KIAA0586: variants seen among roughly 807,000 people sequenced by gnomAD.
KIAA0586 encodes the protein KIAA0586, also known as protein TALPID3.
KIAA0586 carries 144 observed loss-of-function variants against 169.8 expected under a neutral mutation model. The ratio of observed to expected loss-of-function variants is 0.85; its 90% CI spans 0.74 to 0.97. The LOEUF (loss-of-function observed/expected upper bound fraction) is 0.97, where lower values mean the gene tolerates loss of function less well. Among genes scored for constraint, KIAA0586 ranks in the 50% least tolerant of loss-of-function variants. The pLI is 0.00. For synonymous variants in KIAA0586, 625 were observed against 612.4 expected, an observed-to-expected ratio of 1.02 and a Z score of -0.30; for missense variants, 1,854 against 1,823.0, an observed-to-expected ratio of 1.02 and a Z score of -0.31.
Position 58,465,850 on chromosome 14 carries a change from C to A in KIAA0586, c.2075C>A (p.Ser692Ter). The A allele has an allele frequency of 6.2e-7, 1 of 1,602,444 alleles. No individual in the cohort carries two copies. Among genetic ancestry groups the A allele is most frequent in the South Asian group, 1.1e-5 (1 of 88,738 alleles). ...IERVKGTKVK[S>*]IRTQTDFYAT... is the part of the protein sequence containing the mutation. ...ATTATTATAGGCACTAAGGTAAAGT[C>A]AATAAGAACACAGACTGACTTCTAT... Residue 692 changes from serine (S) to a stop codon, truncating the protein, a stop_gained, in exon 15 of 31, where the codon TCA becomes TAA. Transcript: ENST00000652326. LOFTEE classifies it high-confidence loss of function.
At chr14:58,463,910 G>A (rs754603709) in intron 14 of KIAA0586, 5 of 348,096 alleles carry the variant, frequency 1.4e-5, no homozygotes, top group Non-Finnish European at 2.8e-5. Context: ...GACGGTCTGA[G>A]ACATCACCAC....
At chr14:58,490,522 T>G (rs1446524593) in intron 25 of KIAA0586, among the ~76,000 whole-genome samples, 2 of 152,210 alleles carry the variant, frequency 1.3e-5, no homozygotes, top group African/African-American at 4.8e-5. Flanking sequence ...TTGTTACCTC[T>G]GTATGTTGTC....
chr14:58,458,404 A>C, intron 11 of KIAA0586, 69 bp from the exon 12 acceptor site: 3 of 805,394 alleles, frequency 3.7e-6, no homozygotes, highest in Non-Finnish European at 6.1e-6. Flanking sequence ...GATAAGAGTT[A>C]GATCTGATCC....
intron 14 of KIAA0586, among the ~76,000 whole-genome samples, chr14:58,463,010 A>T (rs1161510743): frequency 6.6e-6 from 1 of 152,066 alleles, no homozygotes; most frequent in African/African-American, 2.4e-5. Flanking sequence ...TTGAGATGAG[A>T]TTTGGGTAGG....
At chr14:58,547,691 C>A (rs780446671) in intron 30 of KIAA0586, 90 bp from the exon 31 acceptor site, 68 of 1,098,406 alleles carry the variant, frequency 6.2e-5, no homozygotes, top group Non-Finnish European at 7.7e-5. Context: ...CGCGCCCCCC[C>A]ACCCCAACCT....
At chr14:58,479,645 A>T (rs886931190) in intron 20 of KIAA0586, among the ~76,000 whole-genome samples, 1 of 152,146 alleles carries the variant, frequency 6.6e-6, no homozygotes, top group South Asian at 2.1e-4. Flanking sequence ...TAGAAGATGT[A>T]TGGTTTTAGA....
chr14:58,427,834 G>A lies in KIAA0586; in HGVS notation c.-431G>A. Reference sequence around the variant, plus strand: ...GAGGGGTGTGTAAGACTCTGTGGCTGAAGAAAGCTATTACGCTTCTTATGT... The same window carrying A: ...GAGGGGTGTGTAAGACTCTGTGGCTAAAGAAAGCTATTACGCTTCTTATGT... On this transcript the variant is annotated 5_prime_UTR_variant, in exon 1 of 31. Transcript: ENST00000652326. 1 of 1,434,992 alleles carries A rather than the reference G, an allele frequency of 7.0e-7. No homozygotes were observed. The highest frequency in any genetic ancestry group is 9.1e-7 in the Non-Finnish European group (1 of 1,095,284). The allele number at this position is 1,434,992 out of a possible 1,614,324, so 88.9% of individuals were successfully genotyped here.
intron 29 of KIAA0586, among the ~76,000 whole-genome samples, chr14:58,529,513 C>G (rs2045819501): frequency 6.6e-6 from 1 of 152,164 alleles, no homozygotes; most frequent in Non-Finnish European, 1.5e-5. Flanking sequence ...CTACCTCAAT[C>G]AAGTCAGCTT....
At chr14:58,481,184 A>T (rs2042009518) in intron 20 of KIAA0586, among the ~76,000 whole-genome samples, 1 of 152,216 alleles carries the variant, frequency 6.6e-6, no homozygotes. Context: ...CCCACTTTTT[A>T]GGGAATTCTG....
intron 26 of KIAA0586, among the ~76,000 whole-genome samples, chr14:58,494,594 G>A (rs1234443692): frequency 6.6e-6 from 1 of 152,098 alleles, no homozygotes; most frequent in African/African-American, 2.4e-5. Context: ...AGGGAGGAGA[G>A]CCTTAGGCAG....
chr14:58,542,499 A>C (rs2140115764), intron 30 of KIAA0586, among the ~76,000 whole-genome samples: 1 of 152,254 alleles, frequency 6.6e-6, no homozygotes, highest in Non-Finnish European at 1.5e-5. Context: ...AATTCCCAAA[A>C]TATACATTAA....
In KIAA0586 at chr14:58,482,542, CT is replaced by C; in HGVS notation, c.2979del (p.Phe993LeufsTer8). 1 of 1,554,288 alleles carries C rather than the reference CT, an allele frequency of 6.4e-7. No homozygotes were observed. Among genetic ancestry groups the C allele is most frequent in the Non-Finnish European group, 8.7e-7 (1 of 1,147,604 alleles). On this transcript the variant is annotated frameshift_variant, in exon 21 of 31. Coordinates refer to ENST00000652326, the MANE Select transcript of KIAA0586 (RefSeq NM_001329943.3). LOFTEE classifies it high-confidence loss of function. ...VEGTSSGALQ[L>X]FVDAGVPVNS... ...AGGAACAAGCAGTGGCGCCCTCCAG[CT>C]TTTTGTTGATGCTGGTGTTCCTGTG...
At chr14:58,458,624 G>T in intron 12 of KIAA0586, 79 bp downstream of exon 12, 2 of 709,672 alleles carry the variant, frequency 2.8e-6, no homozygotes, top group East Asian at 3.1e-5. Context: ...CATTACATTT[G>T]TTTTCAAAAT....
chr14:58,480,875 T>G (rs1391435970), intron 20 of KIAA0586, among the ~76,000 whole-genome samples: 2 of 152,196 alleles, frequency 1.3e-5, no homozygotes, highest in African/African-American at 4.8e-5. Flanking sequence ...TGAGAAAATT[T>G]TTTTCCTGGT....
In KIAA0586 at chr14:58,461,072, C is replaced by T; in HGVS notation, c.1971C>T (p.Ser657=). 1.2e-6 allele frequency: 2 copies of T among 1,611,400 alleles called. No individual in the cohort carries two copies. The highest frequency in any genetic ancestry group is 1.7e-6 in the Non-Finnish European group (2 of 1,178,436). ...YGKPVYQGHR[S]TLKKGPYLRF... ...AGCCAGTTTATCAGGGCCATCGAAG[C>T]ACTCTTAAAAAAGGACCATATCTCA... The change falls in exon 14 of 31, where the codon AGC becomes AGT. Residue 657 remains serine, a synonymous_variant. Coordinates refer to ENST00000652326, the MANE Select transcript of KIAA0586 (RefSeq NM_001329943.3).
At chr14:58,440,049 A>ATTTT (rs59044231) in intron 4 of KIAA0586, 45 of 164,232 alleles carry the variant, frequency 2.7e-4, no homozygotes, top group South Asian at 1.4e-3. Flanking sequence ...TTAATTTTTA[A>ATTTT]TTTTTTTTTT....
chr14:58,543,929 G>A lies in KIAA0586; in HGVS notation c.4495+3793G>A, dbSNP rs1453910158. On this transcript the variant is annotated intron_variant, in intron 30 of 30. Transcript: ENST00000652326. ...AGGTTTCCTGTATAGGTAAACTCGG[G>A]CTGTGGAGGTTTGTCATACAGATTA... 4 of 455,740 alleles carry A rather than the reference G, an allele frequency of 8.8e-6. No homozygotes were observed. Among genetic ancestry groups the A allele is most frequent in the Non-Finnish European group, 1.8e-5 (4 of 226,844 alleles). The allele number at this position is 455,740 out of a possible 1,614,324, so 28.2% of individuals were successfully genotyped here.
chr14:58,532,599 C>A (rs1363803658), intron 29 of KIAA0586, among the ~76,000 whole-genome samples: 2 of 152,124 alleles, frequency 1.3e-5, no homozygotes, highest in Non-Finnish European at 2.9e-5. Flanking sequence ...AACAGGATCA[C>A]TCTTTTATAT....
At chr14:58,457,434 A>AT (rs2039961313) in intron 10 of KIAA0586, among the ~76,000 whole-genome samples, 1 of 151,928 alleles carries the variant, frequency 6.6e-6, no homozygotes, top group South Asian at 2.1e-4. Flanking sequence ...CACCTGGCTA[A>AT]TTTTTGTATT....
Sources: allele counts gnomAD v4.1 joint callset (sites outside exome capture counted in the v4.1 genomes callset), GRCh38; gene constraint gnomAD v4.1.1; transcripts MANE v1.5; gene names NCBI Gene and HGNC (gene_info 2026-07-23, HGNC 2026-07-21).